Variants in NCKAP5 observed in about 807,000 individuals in gnomAD.
The protein encoded by NCKAP5 is NCK associated protein 5.
A neutral mutation model predicts 167.0 loss-of-function variants in NCKAP5; 92 were observed. The observed-to-expected ratio is 0.55, with a 90% CI of 0.47 to 0.66. The LOEUF is 0.66. Ranked by LOEUF, NCKAP5 falls within the 30% of genes least tolerant of loss-of-function variation. The probability of loss-of-function intolerance (pLI) is 0.00; values close to 1 mark genes in which losing one functional copy is unlikely to be tolerated. For synonymous variants in NCKAP5, 891 were observed against 877.4 expected, an observed-to-expected ratio of 1.02 and a Z score of -0.27; for missense variants, 2,378 against 2,315.0, an observed-to-expected ratio of 1.03 and a Z score of -0.56.
chr2:133,606,252 T>A, the NCKAP5 span, among the ~76,000 whole-genome samples: 3 of 152,204 alleles, frequency 2.0e-5, no homozygotes, highest in Admixed American at 2.0e-4. Context: ...ATATCCCATA[T>A]TATAATATCT....
intron 5 of NCKAP5, among the ~76,000 whole-genome samples, chr2:133,146,816 A>G (rs891762528): frequency 1.3e-5 from 2 of 152,156 alleles, no homozygotes; most frequent in South Asian, 2.1e-4. Flanking sequence ...CAACAAAGAG[A>G]AAAGCCCTCA....
At chr2:132,862,934 A>C (rs562391086) in intron 10 of NCKAP5, among the ~76,000 whole-genome samples, 1 of 151,872 alleles carries the variant, frequency 6.6e-6, no homozygotes, top group African/African-American at 2.4e-5. Flanking sequence ...CGATTCTTCT[A>C]CCTCAGCCTC....
intron 3 of NCKAP5, among the ~76,000 whole-genome samples, chr2:133,513,505 G>A (rs1285347004): frequency 6.6e-6 from 1 of 152,222 alleles, no homozygotes; most frequent in Non-Finnish European, 1.5e-5. Context: ...GAAAAAGAGT[G>A]GATCTGGAGG....
At chr2:132,887,059 C>T (rs1158424751) in intron 8 of NCKAP5, among the ~76,000 whole-genome samples, 1 of 152,114 alleles carries the variant, frequency 6.6e-6, no homozygotes. Context: ...GTATCTGTGA[C>T]ATTTCTCCAC....
At chr2:132,977,048 G>C (rs987379833) in intron 7 of NCKAP5, among the ~76,000 whole-genome samples, 4 of 152,108 alleles carry the variant, frequency 2.6e-5, no homozygotes, top group African/African-American at 4.8e-5. Flanking sequence ...ATGGAGAAGG[G>C]AACTTCTCAG....
chr2:132,761,008 A>G (rs750984949), intron 16 of NCKAP5, among the ~76,000 whole-genome samples: 1 of 152,158 alleles, frequency 6.6e-6, no homozygotes, highest in Non-Finnish European at 1.5e-5. Context: ...CAAACTAATG[A>G]TTCACAATCT....
chr2:132,940,725 T>G (rs1052146419), intron 8 of NCKAP5, among the ~76,000 whole-genome samples: 3 of 151,894 alleles, frequency 2.0e-5, no homozygotes, highest in Non-Finnish European at 4.4e-5. Context: ...TTATTCTTTT[T>G]CAAAGATCTG....
At position 133,291,247 on chromosome 2, in the gene NCKAP5, T is replaced by G. The variant is rs117925066; in HGVS notation, c.143+11790A>C. On this transcript the variant is annotated intron_variant, in intron 4 of 19. Coordinates refer to ENST00000409261, the MANE Select transcript of NCKAP5 (RefSeq NM_207363.3). ...AAGACTTGGTCTTACAGGTTAAAGA[T>G]GTGAAACATACAAAACATGCTCTCA... Among the ~76,000 whole-genome samples the G allele has an allele frequency of 7.9e-4, 120 of 152,292 alleles. No homozygotes were observed. In the East Asian group the frequency reaches 0.015, roughly 18 times the overall value.
At position 132,784,986 on chromosome 2, in the gene NCKAP5, C is replaced by T. The variant is rs188065336; in HGVS notation, c.1825G>A (p.Asp609Asn). 2.5e-4 allele frequency: 400 copies of T among 1,613,722 alleles called. 1 individual carries two copies. The highest frequency in any genetic ancestry group is 3.1e-4 in the Non-Finnish European group (360 of 1,179,792). Residue 609 changes from aspartate (D) to asparagine (N), a missense_variant, in exon 14 of 20, where the codon GAC becomes AAC. Transcript: ENST00000409261. ...KSPSDVSLAA[D>N]TDKSVENLDV... is the part of the protein sequence containing the mutation. ...AGGTTCTCCACGGACTTATCGGTGTCGGCAGCCAATGACACGTCTGAAGGA... is the reference window on the plus strand; with the variant it reads ...AGGTTCTCCACGGACTTATCGGTGTTGGCAGCCAATGACACGTCTGAAGGA...
chr2:133,070,041 A>C (rs761957904), intron 6 of NCKAP5, among the ~76,000 whole-genome samples: 50 of 152,248 alleles, frequency 3.3e-4, no homozygotes, highest in African/African-American at 1.2e-3. Context: ...TATCACTTAC[A>C]TATATGGTGG....
intron 4 of NCKAP5, among the ~76,000 whole-genome samples, chr2:133,275,686 T>A (rs552174387): frequency 8.6e-5 from 13 of 151,444 alleles, no homozygotes; most frequent in Non-Finnish European, 1.5e-4. Flanking sequence ...CGTGTATCAA[T>A]GAAAATTAAA....
chr2:133,233,605 T>C (rs576558189), intron 4 of NCKAP5, among the ~76,000 whole-genome samples: 1 of 152,322 alleles, frequency 6.6e-6, no homozygotes, highest in South Asian at 2.1e-4. Flanking sequence ...ACCAATTTTA[T>C]ATACCAAGTG....
chr2:132,856,947 G>A (rs1029455105), intron 11 of NCKAP5, among the ~76,000 whole-genome samples: 2 of 152,156 alleles, frequency 1.3e-5, no homozygotes, highest in African/African-American at 4.8e-5. Flanking sequence ...CCTGCTACAG[G>A]ACTTAGCCTG....
At chr2:132,760,542 G>T (rs1004323401) in intron 16 of NCKAP5, among the ~76,000 whole-genome samples, 2 of 152,058 alleles carry the variant, frequency 1.3e-5, no homozygotes, top group Non-Finnish European at 2.9e-5. Context: ...TCTCAGTTCT[G>T]CAGTCTTTGG....
intron 6 of NCKAP5, among the ~76,000 whole-genome samples, chr2:133,088,648 T>C (rs2081073698): frequency 6.6e-6 from 1 of 152,160 alleles, no homozygotes; most frequent in African/African-American, 2.4e-5. Context: ...TAATGCTGCC[T>C]TTACTATCCT....
chr2:133,110,142 T>C (rs1341299604), intron 6 of NCKAP5, among the ~76,000 whole-genome samples: 2 of 152,242 alleles, frequency 1.3e-5, no homozygotes, highest in East Asian at 3.8e-4. Context: ...TTAAATGTTC[T>C]CATTTACAGA....
Position 132,737,333 on chromosome 2 carries a change from C to T in NCKAP5, c.5129-5282G>A, listed in dbSNP as rs150019735. Among the ~76,000 whole-genome samples, 248 of 152,248 alleles carry T rather than the reference C, an allele frequency of 1.6e-3. 2 individuals are homozygous for T. The highest frequency in any genetic ancestry group is 5.8e-3 in the African/African-American group (239 of 41,546). On this transcript the variant is annotated intron_variant, in intron 16 of 19. Transcript: ENST00000409261. The stretch of plus-strand genomic sequence containing the variant: ...ATATGTTTGGTATGCAAGGAGGAGA[C>T]CTTTTCAGTCTCCTAGAAGCAAATA...
At chr2:133,364,056 T>C (rs1171756478) in intron 3 of NCKAP5, among the ~76,000 whole-genome samples, 1 of 152,158 alleles carries the variant, frequency 6.6e-6, no homozygotes, top group Non-Finnish European at 1.5e-5. Context: ...AAGTAGGTGT[T>C]GGTATCATCA....
chr2:132,954,653 A>G (rs1289752415), intron 8 of NCKAP5: 1 of 454,664 alleles, frequency 2.2e-6, no homozygotes, highest in African/African-American at 2.0e-5. Flanking sequence ...GAAACAGGCT[A>G]CTTAACTGTA....
Sources: gnomAD v4.1 joint callset for allele counts (sites outside exome capture counted in the v4.1 genomes callset) on GRCh38, gnomAD v4.1.1 for gene constraint, MANE v1.5 for transcripts, NCBI Gene and HGNC (gene_info 2026-07-23, HGNC 2026-07-21) for gene names.